Variants in FGF5 observed in about 807,000 individuals in gnomAD.
FGF5 encodes heparin-binding growth factor 5.
Under a neutral mutation model 21.8 loss-of-function variants are expected in FGF5, and 23 were observed. The observed-to-expected ratio is 1.05, with a 90% confidence interval of 0.76 to 1.49. FGF5 has a LOEUF of 1.49. FGF5 is among the 40% of genes most tolerant of loss of function. The pLI is 0.00. For synonymous variants in FGF5, 158 were observed against 124.0 expected (o/e 1.27, Z -1.82); for missense variants, 352 against 332.9 (o/e 1.06, Z -0.45).
chr4:80,279,815 T>A (rs1720506772), intron 2 of FGF5, among the ~76,000 whole-genome samples: 1 of 152,220 alleles, frequency 6.6e-6, no homozygotes, highest in Non-Finnish European at 1.5e-5. Flanking sequence ...TGTGGTGGAA[T>A]TATTTTTGTT....
At position 80,290,002 on chromosome 4, in the gene FGF5, C is replaced by G. The variant is rs764457205; in HGVS notation, c.*3330C>G. The G allele has an allele frequency of 1.3e-5, 2 of 152,030 alleles. No homozygotes were observed. The highest frequency in any genetic ancestry group is 2.9e-5 in the Non-Finnish European group (2 of 68,006). The allele number at this position is 152,030 out of a possible 1,614,324, so 9.4% of individuals were successfully genotyped here. On this transcript the variant is annotated 3_prime_UTR_variant, in exon 3 of 3. Transcript: ENST00000312465. ...AATAGAAAATGTAATAACTTTCTTA[C>G]CATTAACATTTTTTACCCTTCCATA...
chr4:80,279,051 C>T (rs1720488264), intron 2 of FGF5, among the ~76,000 whole-genome samples: 1 of 152,162 alleles, frequency 6.6e-6, no homozygotes, highest in South Asian at 2.1e-4. Flanking sequence ...CTGCTCCCTC[C>T]TGAGGTTGGC....
rs764310882 is a variant in FGF5 at position 80,267,125 on chromosome 4, C to T, written c.301C>T (p.Leu101=). 3.7e-6 allele frequency: 6 copies of T among 1,613,810 alleles called. No homozygotes were observed. In the Admixed American group the frequency reaches 6.7e-5, roughly 18 times the overall value. The change falls in exon 1 of 3, where the codon CTG becomes TTG. Residue 101 remains leucine, a synonymous_variant. Coordinates refer to ENST00000312465, the MANE Select transcript of FGF5 (RefSeq NM_004464.4). ...LYCRVGIGFH[L]QIYPDGKVNG... ...CTGCAGAGTGGGCATCGGTTTCCAT[C>T]TGCAGATCTACCCGGATGGCAAAGT...
chr4:80,277,978 G>A (rs1320604135), intron 2 of FGF5, among the ~76,000 whole-genome samples: 1 of 152,022 alleles, frequency 6.6e-6, no homozygotes, highest in Non-Finnish European at 1.5e-5. Context: ...TAGATAATGA[G>A]GTGACGAAAG....
chr4:80,275,966 T>C (rs1720399498), intron 2 of FGF5, among the ~76,000 whole-genome samples: 1 of 152,062 alleles, frequency 6.6e-6, no homozygotes, highest in South Asian at 2.1e-4. Flanking sequence ...TTTCAATTGA[T>C]AGCAATAATT....
intron 1 of FGF5, among the ~76,000 whole-genome samples, chr4:80,273,057 A>T (rs1050758460): frequency 6.6e-6 from 1 of 152,076 alleles, no homozygotes; most frequent in African/African-American, 2.4e-5. Flanking sequence ...AATATTTGAT[A>T]AAATGATAAT....
chr4:80,273,239 A>G (rs750629605), intron 1 of FGF5, among the ~76,000 whole-genome samples: 1 of 151,960 alleles, frequency 6.6e-6, no homozygotes, highest in African/African-American at 2.4e-5. Context: ...TTGTTTTTCA[A>G]TTTAAAGAAA....
chr4:80,269,744 A>G (rs1720215723), intron 1 of FGF5, among the ~76,000 whole-genome samples: 1 of 151,878 alleles, frequency 6.6e-6, no homozygotes, highest in Admixed American at 6.6e-5. Context: ...TATCTCACTA[A>G]GCATGATATT....
In FGF5 at chr4:80,290,696, A is replaced by C. The variant is rs1388053724; in HGVS notation, c.*4024A>C. ...AATGCTATCCCTCCCCTCTCCACCC[A>C]CCCCACAGCAGGCCCCGGTATGTGA... On this transcript the variant is annotated 3_prime_UTR_variant, in exon 3 of 3. Coordinates refer to ENST00000312465, the MANE Select transcript of FGF5 (RefSeq NM_004464.4). The C allele has an allele frequency of 1.3e-5, 2 of 150,992 alleles. No homozygotes were observed. The highest frequency in any genetic ancestry group is 6.3e-3 in the Middle Eastern group (2 of 316). 9.4% of individuals were successfully genotyped at this position (150,992 alleles called of 1,614,324 possible).
Position 80,288,065 on chromosome 4 carries a change from T to G in FGF5, c.*1393T>G, listed in dbSNP as rs1445508581. On this transcript the variant is annotated 3_prime_UTR_variant, in exon 3 of 3. Transcript: ENST00000312465. ...TAATAAAGTTCTGCAAAATACACGT[T>G]TATCTTACATTCAGAAATGTGGCAA... is the stretch of plus-strand genomic sequence containing the variant. 6.6e-6 allele frequency: 1 copy of G among 152,192 alleles called. No individual in the cohort carries two copies. The highest frequency in any genetic ancestry group is 1.5e-5 in the Non-Finnish European group (1 of 68,026). 9.4% of individuals were successfully genotyped at this position (152,192 alleles called of 1,614,324 possible). A position where few individuals can be genotyped will look rare whatever the true frequency, so the allele number is the denominator to read the frequency against.
intron 1 of FGF5, among the ~76,000 whole-genome samples, chr4:80,270,042 C>T (rs1440111790): frequency 6.6e-6 from 1 of 152,222 alleles, no homozygotes; most frequent in Non-Finnish European, 1.5e-5. Context: ...TCCTGACATT[C>T]GTGTAAACTA....
rs566578971 is a variant in FGF5 at position 80,290,089 on chromosome 4, A to G, written c.*3417A>G. On this transcript the variant is annotated 3_prime_UTR_variant, in exon 3 of 3. Coordinates refer to ENST00000312465, the MANE Select transcript of FGF5 (RefSeq NM_004464.4). ...AATAACAAAACGAAACTATGGCACT[A>G]ACCAAAAACTTGCATTCTGGCATAA... The G allele has an allele frequency of 2.6e-5, 4 of 152,262 alleles. No individual in the cohort carries two copies. Among genetic ancestry groups the G allele is most frequent in the African/African-American group, 9.6e-5 (4 of 41,572 alleles). The allele number at this position is 152,262 out of a possible 1,614,324, so 9.4% of individuals were successfully genotyped here.
At chr4:80,271,628 G>C (rs1230998471) in intron 1 of FGF5, among the ~76,000 whole-genome samples, 1 of 152,116 alleles carries the variant, frequency 6.6e-6, no homozygotes, top group Non-Finnish European at 1.5e-5. Flanking sequence ...AGAAAAGAGA[G>C]GTAGTGAGAG....
At chr4:80,273,657 T>C (rs945814293) in intron 1 of FGF5, among the ~76,000 whole-genome samples, 1 of 152,160 alleles carries the variant, frequency 6.6e-6, no homozygotes, top group African/African-American at 2.4e-5. Flanking sequence ...AATATTGAGA[T>C]GTTCTTTTTT....
At chr4:80,274,333 A>G (rs1459643817) in intron 1 of FGF5, among the ~76,000 whole-genome samples, 2 of 152,162 alleles carry the variant, frequency 1.3e-5, no homozygotes, top group African/African-American at 4.8e-5. Flanking sequence ...CAAGTTATTT[A>G]TAATGCTTTC....
Position 80,286,610 on chromosome 4 carries a change from C to T in FGF5, c.745C>T (p.Leu249Phe). 6.2e-7 allele frequency: 1 copy of T among 1,614,068 alleles called. No individual in the cohort carries two copies. The highest frequency in any genetic ancestry group is 8.5e-7 in the Non-Finnish European group (1 of 1,179,974). The change falls in exon 3 of 3, where the codon CTT (leucine) becomes TTT (phenylalanine). Residue 249 changes from leucine to phenylalanine, a missense_variant. Transcript: ENST00000312465. Reference protein sequence around the residue: ...PPSPIKPKIPLSAPRKNTNSV... With the variant: ...PPSPIKPKIPFSAPRKNTNSV... ...TAGCCCTATCAAGCCAAAGATTCCC[C>T]TTTCTGCACCTCGGAAAAATACCAA...
At chr4:80,275,560 C>T (rs1578293670) in intron 2 of FGF5, among the ~76,000 whole-genome samples, 1 of 151,858 alleles carries the variant, frequency 6.6e-6, no homozygotes, top group Non-Finnish European at 1.5e-5. Context: ...ATTTTTGTCA[C>T]ATCAAAAATA....
At chr4:80,269,074 AC>A (rs1234118840) in intron 1 of FGF5, among the ~76,000 whole-genome samples, 1 of 152,102 alleles carries the variant, frequency 6.6e-6, no homozygotes, top group Non-Finnish European at 1.5e-5. Flanking sequence ...TCTTCTTGTA[AC>A]GACCCGTGGA....
intron 2 of FGF5, among the ~76,000 whole-genome samples, 175 bp from the exon 3 acceptor site, chr4:80,286,150 A>C (rs989847046): frequency 6.6e-6 from 1 of 152,220 alleles, no homozygotes; most frequent in Non-Finnish European, 1.5e-5. Flanking sequence ...TAGAAAGAAA[A>C]ATAGTAATTT....
Sources: gnomAD v4.1 joint callset for allele counts (sites outside exome capture counted in the v4.1 genomes callset) on GRCh38, gnomAD v4.1.1 for gene constraint, MANE v1.5 for transcripts, NCBI Gene and HGNC (gene_info 2026-07-23, HGNC 2026-07-21) for gene names.